Variants in PLXNA4 observed in about 807,000 individuals in gnomAD.
PLXNA4 encodes plexin-A4.
In PLXNA4, 44 loss-of-function variants were observed where a neutral mutation model predicts 191.8. That is an observed-to-expected ratio of 0.23 (90% CI 0.18 to 0.29). PLXNA4 has a LOEUF of 0.29. Ranked by LOEUF, PLXNA4 falls within the 10% of genes least tolerant of loss-of-function variation. The pLI is 1.00. For missense variants in PLXNA4, 1,800 were observed against 2,488.8 expected (o/e 0.72, Z 5.89); for synonymous variants, 1,082 against 1,009.5 (o/e 1.07, Z -1.36).
intron 25 of PLXNA4, among the ~76,000 whole-genome samples, chr7:132,152,381 G>T (rs2116600528): frequency 6.6e-6 from 1 of 152,310 alleles, no homozygotes; most frequent in East Asian, 1.9e-4. Flanking sequence ...CTCACGGTGT[G>T]CACGACTGGC....
chr7:132,472,404 T>C (rs895336864), intron 3 of PLXNA4, among the ~76,000 whole-genome samples: 22 of 152,162 alleles, frequency 1.4e-4, no homozygotes, highest in African/African-American at 5.1e-4. Context: ...TCCCTTATGA[T>C]TATCATATTT....
At chr7:132,512,956 C>A (rs977890012) in intron 1 of PLXNA4, among the ~76,000 whole-genome samples, 1 of 152,222 alleles carries the variant, frequency 6.6e-6, no homozygotes, top group Non-Finnish European at 1.5e-5. Flanking sequence ...GACCAAATAA[C>A]CTTCACGATT....
intron 4 of PLXNA4, among the ~76,000 whole-genome samples, chr7:132,293,153 G>A (rs567677710): frequency 1.3e-5 from 2 of 152,170 alleles, no homozygotes; most frequent in Non-Finnish European, 2.9e-5. Context: ...GATGGTAGGA[G>A]GGGTCCATGA....
At chr7:132,501,114 G>T (rs2117608055) in intron 2 of PLXNA4, among the ~76,000 whole-genome samples, 1 of 152,332 alleles carries the variant, frequency 6.6e-6, no homozygotes. Flanking sequence ...GTGAGAGAGA[G>T]AAATCTCATT....
intron 1 of PLXNA4, among the ~76,000 whole-genome samples, chr7:132,513,761 C>A (rs535563845): frequency 3.8e-4 from 58 of 152,212 alleles, no homozygotes; most frequent in African/African-American, 1.3e-3. Flanking sequence ...CAACTTCCAC[C>A]TCCCAGGGGT....
intron 1 of PLXNA4, among the ~76,000 whole-genome samples, chr7:132,575,143 C>T (rs1314521691): frequency 6.6e-6 from 1 of 152,148 alleles, no homozygotes; most frequent in Non-Finnish European, 1.5e-5. Flanking sequence ...CTCCCTATGA[C>T]AACTGAGACC....
At chr7:132,464,312 T>C (rs1010261735) in intron 3 of PLXNA4, among the ~76,000 whole-genome samples, 7 of 152,152 alleles carry the variant, frequency 4.6e-5, no homozygotes, top group Admixed American at 3.9e-4. Flanking sequence ...AGTCTGCCAT[T>C]GTCTTACTTC....
chr7:132,306,786 G>A (rs1801539924), intron 3 of PLXNA4, among the ~76,000 whole-genome samples: 1 of 152,088 alleles, frequency 6.6e-6, no homozygotes, highest in African/African-American at 2.4e-5. Flanking sequence ...GCACTCTCTG[G>A]CTCTGAAGAT....
At chr7:132,495,107 G>T (rs921019436) in intron 2 of PLXNA4, among the ~76,000 whole-genome samples, 1 of 152,198 alleles carries the variant, frequency 6.6e-6, no homozygotes, top group Non-Finnish European at 1.5e-5. Context: ...ATGAGGCGGG[G>T]TGGGCCCCTG....
At chr7:132,292,557 G>T (rs1044541007) in intron 4 of PLXNA4, among the ~76,000 whole-genome samples, 2 of 152,172 alleles carry the variant, frequency 1.3e-5, no homozygotes, top group Admixed American at 6.5e-5. Flanking sequence ...AAATCAGAGT[G>T]CTCTCAAAGA....
intron 3 of PLXNA4, among the ~76,000 whole-genome samples, chr7:132,372,822 T>A (rs1420314496): frequency 6.6e-6 from 1 of 152,180 alleles, no homozygotes; most frequent in East Asian, 1.9e-4. Flanking sequence ...AAGCCTCAAC[T>A]TTCTCACCTA....
chr7:132,253,591 G>C (rs1799330742), intron 4 of PLXNA4, among the ~76,000 whole-genome samples: 1 of 152,092 alleles, frequency 6.6e-6, no homozygotes, highest in African/African-American at 2.4e-5. Flanking sequence ...TGGAACTATG[G>C]AAAGGGCTCT....
chr7:132,298,322 T>C (rs1001059625), intron 3 of PLXNA4, 100 bp from the exon 4 acceptor site: 10 of 1,457,088 alleles, frequency 6.9e-6, no homozygotes, highest in Non-Finnish European at 8.3e-6. Context: ...GGAGAGGGCA[T>C]GAGTTCTGTC....
chr7:132,610,738 C>G (rs1277209065), intron 2 of PLXNA4, among the ~76,000 whole-genome samples: 1 of 152,220 alleles, frequency 6.6e-6, no homozygotes, highest in African/African-American at 2.4e-5. Flanking sequence ...GGAATCCTTT[C>G]CATTCATTTG....
chr7:132,188,951 G>GAGGAAAGGAAAGGAGAGGAAAGGAA (rs1796968510), intron 14 of PLXNA4, among the ~76,000 whole-genome samples: 1 of 49,984 alleles, frequency 2.0e-5, no homozygotes, highest in Non-Finnish European at 5.4e-5. Context: ...CCTTCCCAGA[G>GAGGAAAGGAAAGGAGAGGAAAGGAA]AGGAAAGGAA....
At chr7:132,146,757 C>CACTT (rs1460542441) in intron 27 of PLXNA4, 57 bp from the exon 28 acceptor site, 10 of 1,592,168 alleles carry the variant, frequency 6.3e-6, no homozygotes, top group African/African-American at 1.3e-5. Context: ...CTTAGCCCAT[C>CACTT]ACTTACCATG....
intron 3 of PLXNA4, among the ~76,000 whole-genome samples, chr7:132,437,923 A>G (rs890306476): frequency 6.6e-6 from 1 of 152,120 alleles, no homozygotes; most frequent in Admixed American, 6.5e-5. Flanking sequence ...GGAGGAGTGA[A>G]AAGTGAAATT....
At chr7:132,164,082 G>C in intron 24 of PLXNA4, 60 bp downstream of exon 24, 3 of 1,605,916 alleles carry the variant, frequency 1.9e-6, no homozygotes, top group Middle Eastern at 4.4e-4. Context: ...GCTGAGCAGG[G>C]CTACCCAGGA....
At chr7:132,554,662 G>A (rs1325517490) in intron 1 of PLXNA4, among the ~76,000 whole-genome samples, 1 of 152,180 alleles carries the variant, frequency 6.6e-6, no homozygotes, top group East Asian at 1.9e-4. Flanking sequence ...CTCACTGGCT[G>A]GCTGGCTTTA....
Sources: allele counts gnomAD v4.1 joint callset (sites outside exome capture counted in the v4.1 genomes callset), GRCh38; gene constraint gnomAD v4.1.1; transcripts MANE v1.5; gene names NCBI Gene and HGNC (gene_info 2026-07-23, HGNC 2026-07-21).